The following SGCZ variants were observed in gnomAD, a reference collection of about 807,000 sequenced individuals.
The protein encoded by SGCZ is zeta-sarcoglycan.
SGCZ carries 40 observed loss-of-function variants against 41.3 expected under a neutral mutation model. The ratio of observed to expected loss-of-function variants is 0.97; its 90% CI spans 0.75 to 1.26. The LOEUF (loss-of-function observed/expected upper bound fraction) is 1.26. SGCZ is among the 50% of genes most tolerant of loss of function. The pLI is 0.00. For synonymous variants in SGCZ, 206 were observed against 137.5 expected, an observed-to-expected ratio of 1.50 and a Z score of -3.49; for missense variants, 552 against 369.8, an observed-to-expected ratio of 1.49 and a Z score of -4.04.
In SGCZ at chr8:14,847,657, G is replaced by A. The variant is rs567576234; in HGVS notation, c.40-292731C>T. Among the ~76,000 whole-genome samples, 6 of 144,936 alleles carry A rather than the reference G, an allele frequency of 4.1e-5. No individual in the cohort carries two copies. The South Asian group carries it at 1.4e-3, about 33-fold the overall frequency. ...AAGGAAGGAAGGAGGGAGGGAGGCA[G>A]GGAGGGAAGGAAGGAAAGATGGAGG... is the stretch of plus-strand genomic sequence containing the variant. On this transcript the variant is annotated intron_variant, in intron 1 of 7. Transcript: ENST00000382080.
intron 1 of SGCZ, among the ~76,000 whole-genome samples, chr8:14,853,757 G>A (rs1486533923): frequency 2.0e-5 from 3 of 151,952 alleles, no homozygotes; most frequent in African/African-American, 7.2e-5. Context: ...AAAGGAGAGA[G>A]GAAGGGAGAA....
chr8:14,719,021 A>C (rs1395034730), intron 1 of SGCZ, among the ~76,000 whole-genome samples: 2 of 103,398 alleles, frequency 1.9e-5, no homozygotes, highest in African/African-American at 7.4e-5. Flanking sequence ...ACCCCACAAC[A>C]GTCCCCAGAG....
intron 3 of SGCZ, among the ~76,000 whole-genome samples, chr8:14,315,590 A>T (rs912681556): frequency 2.2e-4 from 33 of 152,172 alleles, no homozygotes; most frequent in African/African-American, 6.7e-4. Context: ...AAATATTAGA[A>T]CTTACTTATA....
chr8:14,104,412 T>A (rs901690695), intron 6 of SGCZ, among the ~76,000 whole-genome samples: 1 of 126,720 alleles, frequency 7.9e-6, no homozygotes, highest in Non-Finnish European at 1.7e-5. Flanking sequence ...TTTTAAGGTG[T>A]TATGCAACTA....
chr8:14,702,736 G>GATAC (rs1399547545), intron 1 of SGCZ, among the ~76,000 whole-genome samples: 17 of 67,256 alleles, frequency 2.5e-4, no homozygotes, highest in African/African-American at 6.0e-4. Flanking sequence ...TTCAATGATA[G>GATAC]ATAGATAGAT....
At chr8:15,171,225 A>C (rs1799818619) in intron 1 of SGCZ, among the ~76,000 whole-genome samples, 1 of 152,216 alleles carries the variant, frequency 6.6e-6, no homozygotes, top group Non-Finnish European at 1.5e-5. Flanking sequence ...CCTGAATTAT[A>C]ATCATCATCG....
intron 1 of SGCZ, among the ~76,000 whole-genome samples, chr8:14,583,370 A>AATT (rs1485001635): frequency 6.6e-6 from 1 of 151,866 alleles, no homozygotes; most frequent in Non-Finnish European, 1.5e-5. Context: ...TTTTCTTGTA[A>AATT]ATTTGTTTGA....
intron 1 of SGCZ, among the ~76,000 whole-genome samples, chr8:14,932,834 G>GA (rs983440078): frequency 3.3e-5 from 5 of 151,786 alleles, no homozygotes; most frequent in African/African-American, 1.2e-4. Flanking sequence ...ACTAAAACAA[G>GA]AAAAAATGTC....
At chr8:14,459,424 TAAAATAA>T (rs1349912148) in intron 2 of SGCZ, among the ~76,000 whole-genome samples, 1 of 141,258 alleles carries the variant, frequency 7.1e-6, no homozygotes, top group Non-Finnish European at 1.5e-5. Flanking sequence ...TAATAAAAAA[TAAAATAA>T]AAAATAAAAA....
In SGCZ at chr8:14,402,211, G is replaced by A. The variant is rs184187712; in HGVS notation, c.235-78007C>T. Reference sequence around the variant, plus strand: ...TAGCCCTTTGTCAGATGAGTAGGTTGCGAAAATTTTCTCCCATTTTGTAGG... The same window carrying A: ...TAGCCCTTTGTCAGATGAGTAGGTTACGAAAATTTTCTCCCATTTTGTAGG... On this transcript the variant is annotated intron_variant, in intron 2 of 7. Coordinates refer to ENST00000382080, the MANE Select transcript of SGCZ (RefSeq NM_139167.4). Among the ~76,000 whole-genome samples, 819 of 151,896 alleles carry A rather than the reference G, an allele frequency of 5.4e-3. 23 individuals are homozygous for A. Among genetic ancestry groups the A allele is most frequent in the Admixed American group, 0.045 (694 of 15,268 alleles).
chr8:14,115,628 G>C (rs936355917), intron 5 of SGCZ, among the ~76,000 whole-genome samples: 2 of 151,794 alleles, frequency 1.3e-5, no homozygotes, highest in Non-Finnish European at 2.9e-5. Flanking sequence ...ACTAGTCTTG[G>C]CTCTTTGAAC....
In SGCZ at chr8:14,086,558, GTAA is replaced by G. The variant is rs1801527973; in HGVS notation, c.*3882_*3884del. Among the ~76,000 whole-genome samples, 1 of 151,630 alleles carries G rather than the reference GTAA, an allele frequency of 6.6e-6. No individual in the cohort carries two copies. Among genetic ancestry groups the G allele is most frequent in the Non-Finnish European group, 1.5e-5 (1 of 67,702 alleles). ...ATCACTGCTTTTTAGCTTTATGGAG[GTAA>G]TAATCACAGAATGTTCATATTTGGT... On this transcript the variant is annotated 3_prime_UTR_variant, in exon 8 of 8. Transcript: ENST00000382080.
At chr8:14,375,601 T>TA (rs935382215) in intron 2 of SGCZ, among the ~76,000 whole-genome samples, 2 of 152,116 alleles carry the variant, frequency 1.3e-5, no homozygotes, top group Non-Finnish European at 2.9e-5. Flanking sequence ...ATGGAAATTT[T>TA]AAAAAAATCC....
chr8:14,885,985 TTATATATATATA>T (rs71209089), intron 1 of SGCZ, among the ~76,000 whole-genome samples: 1,127 of 55,964 alleles, frequency 0.02, 26 homozygotes, highest in Middle Eastern at 0.065. Flanking sequence ...GGACTTTATG[TTATATATATATA>T]TATATATATA....
In SGCZ at chr8:15,238,055, A is replaced by G. The variant is rs571334182; in HGVS notation, c.-432T>C. 4.5e-4 allele frequency: 73 copies of G among 162,614 alleles called. No homozygotes were observed. Among genetic ancestry groups the G allele is most frequent in the African/African-American group, 1.5e-3 (61 of 41,758 alleles). 10.1% of individuals were successfully genotyped at this position (162,614 alleles called of 1,614,324 possible). ...TTTCAAGCAAATGTGTTCAAACTGA[A>G]GAGAAGAGTGTATGATAAAAGGCTT... On this transcript the variant is annotated 5_prime_UTR_variant, in exon 1 of 8. Coordinates refer to ENST00000382080, the MANE Select transcript of SGCZ (RefSeq NM_139167.4).
At chr8:14,104,710 G>GT (rs1398888654) in intron 6 of SGCZ, among the ~76,000 whole-genome samples, 1 of 151,982 alleles carries the variant, frequency 6.6e-6, no homozygotes, top group Non-Finnish European at 1.5e-5. Context: ...GCTTAATAGA[G>GT]TTTTTTTCCT....
At chr8:14,414,051 A>G (rs1416343543) in intron 2 of SGCZ, among the ~76,000 whole-genome samples, 5 of 152,012 alleles carry the variant, frequency 3.3e-5, no homozygotes, top group African/African-American at 7.2e-5. Context: ...ACCTTTCACA[A>G]CAGTTGAGAT....
intron 1 of SGCZ, among the ~76,000 whole-genome samples, chr8:14,658,390 G>C (rs1376448111): frequency 2.0e-5 from 3 of 152,126 alleles, no homozygotes; most frequent in African/African-American, 7.2e-5. Context: ...AAACAGAGTG[G>C]TCCTGTAAAT....
chr8:15,061,681 T>G (rs748560498), intron 1 of SGCZ, among the ~76,000 whole-genome samples: 8 of 152,166 alleles, frequency 5.3e-5, no homozygotes, highest in Admixed American at 2.0e-4. Flanking sequence ...ATTTCACCCC[T>G]TCTGCCATGT....
Sources: gnomAD v4.1 joint callset for allele counts (sites outside exome capture counted in the v4.1 genomes callset) on GRCh38, gnomAD v4.1.1 for gene constraint, MANE v1.5 for transcripts, NCBI Gene and HGNC (gene_info 2026-07-23, HGNC 2026-07-21) for gene names.